Variants in GPD1L observed in about 807,000 individuals in gnomAD.
The protein encoded by GPD1L is glycerol-3-phosphate dehydrogenase 1-like protein.
GPD1L carries 17 observed loss-of-function variants against 32.9 expected under a neutral mutation model. That is an observed-to-expected ratio of 0.52 (90% CI 0.35 to 0.78). The LOEUF (loss-of-function observed/expected upper bound fraction) is 0.78. Ranked by LOEUF, GPD1L falls within the 30% of genes least tolerant of loss-of-function variation. The pLI, the probability that GPD1L is intolerant of heterozygous loss-of-function variation, is 0.01. For synonymous variants in GPD1L, 187 were observed against 165.9 expected, an observed-to-expected ratio of 1.13 and a Z score of -0.98; for missense variants, 361 against 447.8, an observed-to-expected ratio of 0.81 and a Z score of 1.75.
intron 1 of GPD1L, among the ~76,000 whole-genome samples, chr3:32,120,187 G>A (rs886728128): frequency 3.9e-5 from 6 of 152,158 alleles, no homozygotes; most frequent in South Asian, 2.1e-4. Flanking sequence ...GTGTGGTGGC[G>A]CGTGCCTGTA....
intron 5 of GPD1L, among the ~76,000 whole-genome samples, chr3:32,149,595 A>G (rs1251241520): frequency 6.6e-6 from 1 of 152,148 alleles, no homozygotes; most frequent in East Asian, 1.9e-4. Flanking sequence ...ATGAACTCTT[A>G]GCTGTATTCA....
chr3:32,127,883 C>T (rs916278309), intron 1 of GPD1L, among the ~76,000 whole-genome samples, 193 bp from the exon 2 acceptor site: 1 of 152,120 alleles, frequency 6.6e-6, no homozygotes, highest in Non-Finnish European at 1.5e-5. Context: ...GGTGCTTTCC[C>T]AGTCACAGGC....
intron 2 of GPD1L, among the ~76,000 whole-genome samples, chr3:32,128,746 G>A (rs1700547770): frequency 2.6e-5 from 4 of 152,170 alleles, no homozygotes. Context: ...GCCCATAACA[G>A]GTTTCCTCCT....
At chr3:32,160,767 C>A (rs1434024256) in intron 7 of GPD1L, among the ~76,000 whole-genome samples, 1 of 152,146 alleles carries the variant, frequency 6.6e-6, no homozygotes. Context: ...CCCTGTAGCA[C>A]CAGAAAAGCT....
In GPD1L at chr3:32,115,758, C is replaced by CTTTTTTTTT. The variant is rs539068850; in HGVS notation, c.47+9040_47+9048dup. On this transcript the variant is annotated intron_variant, in intron 1 of 7. Transcript: ENST00000282541. Reference sequence around the variant, plus strand: ...CTAAACCCTTTTCGTGTACGTTGAACTTTTTTTTTTTTTTTTTTTTTTTTT... The same window carrying CTTTTTTTTT: ...CTAAACCCTTTTCGTGTACGTTGAACTTTTTTTTTTTTTTTTTTTTTTTTTTTTTTTTTT... Among the ~76,000 whole-genome samples, 112 of 45,084 alleles carry CTTTTTTTTT rather than the reference C, an allele frequency of 2.5e-3. 47 individuals carry two copies. The highest frequency in any genetic ancestry group is 4.6e-3 in the Non-Finnish European group (94 of 20,536). 29.6% of individuals were successfully genotyped at this position (45,084 alleles called of 152,430 possible).
intron 7 of GPD1L, among the ~76,000 whole-genome samples, chr3:32,163,903 C>T (rs1433538365): frequency 1.3e-5 from 2 of 152,214 alleles, no homozygotes; most frequent in African/African-American, 4.8e-5. Context: ...CCCAGTGGCT[C>T]TGGCTCTGGA....
chr3:32,139,061 G>A (rs1700704435), intron 3 of GPD1L, among the ~76,000 whole-genome samples: 1 of 151,982 alleles, frequency 6.6e-6, no homozygotes, highest in Admixed American at 6.6e-5. Context: ...GCCCATTCTT[G>A]GATATATACC....
At chr3:32,159,165 T>C in intron 6 of GPD1L, 56 bp downstream of exon 6, 1 of 1,351,272 alleles carries the variant, frequency 7.4e-7, no homozygotes. Context: ...GACTCCTGGC[T>C]TGGGGTGAAC....
chr3:32,109,621 C>T (rs1336657833), intron 1 of GPD1L, among the ~76,000 whole-genome samples: 1 of 152,208 alleles, frequency 6.6e-6, no homozygotes, highest in East Asian at 1.9e-4. Context: ...TTACTCCAGT[C>T]CTAGAGAGAG....
chr3:32,158,613 G>C, intron 5 of GPD1L: 1 of 630,826 alleles, frequency 1.6e-6, no homozygotes, highest in Non-Finnish European at 2.7e-6. Flanking sequence ...ACTATCAGCC[G>C]TTCTGATTTT....
chr3:32,134,572 G>C (rs981797065), intron 2 of GPD1L, among the ~76,000 whole-genome samples: 3 of 152,108 alleles, frequency 2.0e-5, no homozygotes, highest in Non-Finnish European at 2.9e-5. Flanking sequence ...TTGCAGCCTC[G>C]ACCTCCTGGG....
At position 32,144,254 on chromosome 3, in the gene GPD1L, T is replaced by A. The variant is rs569829728; in HGVS notation, c.506-2368T>A. On this transcript the variant is annotated intron_variant, in intron 4 of 7. Transcript: ENST00000282541. ...TTGAATCTTCTGTGGAGGGAAAAGATAGGGCAGCTTCAGGCCTCAAAATCC... is the reference window on the plus strand; with the variant it reads ...TTGAATCTTCTGTGGAGGGAAAAGAAAGGGCAGCTTCAGGCCTCAAAATCC... 2.0e-5 allele frequency among the ~76,000 whole-genome samples: 3 copies of A among 152,316 alleles called. No homozygotes were observed. In the East Asian group the frequency reaches 5.8e-4, roughly 29 times the overall value.
At chr3:32,139,735 C>T (rs1441654323) in intron 3 of GPD1L, among the ~76,000 whole-genome samples, 1 of 152,178 alleles carries the variant, frequency 6.6e-6, no homozygotes. Context: ...AGTAAGTGAA[C>T]AGAAACGAAC....
At chr3:32,126,432 G>T (rs189194817) in intron 1 of GPD1L, among the ~76,000 whole-genome samples, 11 of 152,236 alleles carry the variant, frequency 7.2e-5, no homozygotes, top group Admixed American at 3.3e-4. Context: ...GTCAGTTGAT[G>T]CTCAGTCCCC....
chr3:32,138,825 A>G (rs1700701773), intron 3 of GPD1L, 98 bp downstream of exon 3: 1 of 1,285,276 alleles, frequency 7.8e-7, no homozygotes, highest in Non-Finnish European at 1.1e-6. Flanking sequence ...CTGAAGGGGA[A>G]GTTGTGGCGG....
intron 1 of GPD1L, among the ~76,000 whole-genome samples, chr3:32,107,233 C>T (rs1027662717): frequency 2.0e-5 from 3 of 152,208 alleles, no homozygotes; most frequent in Non-Finnish European, 4.4e-5. Flanking sequence ...GGGGCATGCT[C>T]TGCCCTTCAA....
chr3:32,124,952 G>A (rs909091826), intron 1 of GPD1L, among the ~76,000 whole-genome samples: 1 of 152,034 alleles, frequency 6.6e-6, no homozygotes, highest in Non-Finnish European at 1.5e-5. Context: ...GTATGCCAAA[G>A]GGGGTTAAAA....
intron 3 of GPD1L, 138 bp downstream of exon 3, chr3:32,138,865 A>C: frequency 1.2e-6 from 1 of 856,010 alleles, no homozygotes; most frequent in Non-Finnish European, 1.9e-6. Context: ...AAGATGCTCA[A>C]AAGTCATAAA....
At chr3:32,109,048 A>C (rs903546520) in intron 1 of GPD1L, among the ~76,000 whole-genome samples, 2 of 152,144 alleles carry the variant, frequency 1.3e-5, no homozygotes, top group South Asian at 4.2e-4. Context: ...ACGGGGTTTC[A>C]CCATGTTAGC....
Sources: allele counts gnomAD v4.1 joint callset (sites outside exome capture counted in the v4.1 genomes callset), GRCh38; gene constraint gnomAD v4.1.1; transcripts MANE v1.5; gene names NCBI Gene and HGNC (gene_info 2026-07-23, HGNC 2026-07-21).